The following GALNT17 variants were observed in gnomAD, a reference collection of about 807,000 sequenced individuals.
GALNT17 encodes the protein polypeptide N-acetylgalactosaminyltransferase 17.
Under a neutral mutation model 63.7 loss-of-function variants are expected in GALNT17, and 29 were observed. That is an observed-to-expected ratio of 0.46 (90% CI 0.34 to 0.62). The LOEUF (loss-of-function observed/expected upper bound fraction) is 0.62. Ranked by LOEUF, GALNT17 falls within the 20% of genes least tolerant of loss-of-function variation. The probability of loss-of-function intolerance (pLI) is 0.01; values close to 1 mark genes in which losing one functional copy is unlikely to be tolerated. For synonymous variants in GALNT17, 305 were observed against 318.3 expected, an observed-to-expected ratio of 0.96 and a Z score of 0.45; for missense variants, 603 against 799.6, an observed-to-expected ratio of 0.75 and a Z score of 2.97.
At chr7:71,380,470 A>G (rs947754298) in intron 2 of GALNT17, among the ~76,000 whole-genome samples, 1 of 151,644 alleles carries the variant, frequency 6.6e-6, no homozygotes, top group African/African-American at 2.4e-5. Context: ...TCAGTAGCCA[A>G]CACCACACCC....
Position 71,132,888 on chromosome 7 carries a change from G to C in GALNT17, c.86G>C (p.Arg29Pro). ...AGFVLFLAKC[R>P]PIAVRSGDAF... is the part of the protein sequence containing the mutation. ...TTCGTGCTCTTCCTGGCCAAGTGCC[G>C]GCCCATCGCGGTGCGCAGCGGAGAC... Residue 29 changes from arginine to proline, a missense_variant, in exon 1 of 11, where the codon CGG (arginine) becomes CCG (proline). Arg to Pro is a moderately radical substitution (Grantham distance 103). Transcript: ENST00000333538. 6.2e-7 allele frequency: 1 copy of C among 1,612,978 alleles called. No individual in the cohort carries two copies. Among genetic ancestry groups the C allele is most frequent in the Non-Finnish European group, 8.5e-7 (1 of 1,179,546 alleles).
At chr7:71,237,447 A>G (rs1229161647) in intron 1 of GALNT17, among the ~76,000 whole-genome samples, 4 of 150,008 alleles carry the variant, frequency 2.7e-5, no homozygotes, top group African/African-American at 4.9e-5. Context: ...TGGGAGGCCA[A>G]GGCAGATCGC....
intron 9 of GALNT17, among the ~76,000 whole-genome samples, chr7:71,697,562 C>T (rs745970749): frequency 1.3e-5 from 2 of 151,988 alleles, no homozygotes; most frequent in South Asian, 2.1e-4. Context: ...TTCAGGCAGT[C>T]GTAAACTCAG....
At chr7:71,377,927 G>C (rs1368369447) in intron 2 of GALNT17, among the ~76,000 whole-genome samples, 1 of 152,106 alleles carries the variant, frequency 6.6e-6, no homozygotes, top group African/African-American at 2.4e-5. Flanking sequence ...GCCATGTGGA[G>C]CTGTGAGTCC....
intron 9 of GALNT17, among the ~76,000 whole-genome samples, chr7:71,689,388 C>T (rs1313619833): frequency 6.6e-6 from 1 of 152,188 alleles, no homozygotes; most frequent in Non-Finnish European, 1.5e-5. Context: ...CCAGTGAACA[C>T]ACGAATGCTA....
intron 5 of GALNT17, among the ~76,000 whole-genome samples, chr7:71,434,134 A>G (rs779886645): frequency 2.0e-5 from 3 of 152,170 alleles, no homozygotes; most frequent in Non-Finnish European, 4.4e-5. Flanking sequence ...TGCACTGTCA[A>G]CTTCCCTACT....
chr7:71,435,537 A>G (rs558763470), intron 5 of GALNT17, among the ~76,000 whole-genome samples: 36 of 152,272 alleles, frequency 2.4e-4, no homozygotes, highest in Admixed American at 2.0e-3. Flanking sequence ...GATATTTTGC[A>G]GACCCTGCAC....
chr7:71,646,310 G>C (rs141669583), intron 6 of GALNT17, among the ~76,000 whole-genome samples: 3 of 152,112 alleles, frequency 2.0e-5, no homozygotes, highest in East Asian at 3.9e-4. Context: ...CTCCAAGAAG[G>C]GTTCTGAGAA....
At chr7:71,138,602 A>G (rs1488278746) in intron 1 of GALNT17, among the ~76,000 whole-genome samples, 4 of 152,232 alleles carry the variant, frequency 2.6e-5, no homozygotes, top group Non-Finnish European at 4.4e-5. Context: ...GGAAAATCTA[A>G]AACAATTATA....
chr7:71,630,638 A>G lies in GALNT17; in HGVS notation c.1081-34773A>G, dbSNP rs202155927. Among the ~76,000 whole-genome samples the G allele has an allele frequency of 2.6e-5, 4 of 152,212 alleles. No individual in the cohort carries two copies. In the East Asian group the frequency reaches 7.7e-4, roughly 29 times the overall value. On this transcript the variant is annotated intron_variant, in intron 6 of 10. Coordinates refer to ENST00000333538, the MANE Select transcript of GALNT17 (RefSeq NM_022479.3). ...TCAGCCAGCAAATGGAAACATACCCAGAGAGGCAGCTGGTGTAATTGGCCC... is the reference window on the plus strand; with the variant it reads ...TCAGCCAGCAAATGGAAACATACCCGGAGAGGCAGCTGGTGTAATTGGCCC...
intron 1 of GALNT17, among the ~76,000 whole-genome samples, chr7:71,230,137 C>G (rs1789760432): frequency 6.6e-6 from 1 of 152,170 alleles, no homozygotes; most frequent in Non-Finnish European, 1.5e-5. Context: ...ATAATTATTG[C>G]TGCTTTTTCT....
chr7:71,376,675 G>C (rs569286589), intron 2 of GALNT17, among the ~76,000 whole-genome samples: 44 of 151,944 alleles, frequency 2.9e-4, no homozygotes, highest in Non-Finnish European at 5.6e-4. Flanking sequence ...AATCCTTCTA[G>C]GCACAGTGGC....
chr7:71,337,196 T>G (rs1791923506), intron 2 of GALNT17, among the ~76,000 whole-genome samples: 1 of 152,170 alleles, frequency 6.6e-6, no homozygotes, highest in South Asian at 2.1e-4. Context: ...ACTTTTTCCC[T>G]TTTTCATTTA....
intron 8 of GALNT17, 60 bp downstream of exon 8, chr7:71,670,169 T>C (rs1791047514): frequency 1.9e-6 from 3 of 1,607,086 alleles, no homozygotes; most frequent in Admixed American, 3.4e-5. Context: ...GTGGGTTGCT[T>C]CGCTGGGGAG....
intron 1 of GALNT17, among the ~76,000 whole-genome samples, chr7:71,234,306 G>T (rs1297045144): frequency 6.6e-6 from 1 of 152,106 alleles, no homozygotes; most frequent in Non-Finnish European, 1.5e-5. Context: ...CTGTCGCCCA[G>T]GCTGGAGTGC....
chr7:71,690,557 G>C (rs899345017), intron 9 of GALNT17, among the ~76,000 whole-genome samples: 16 of 152,184 alleles, frequency 1.1e-4, no homozygotes, highest in African/African-American at 3.9e-4. Flanking sequence ...CATTTTGTAA[G>C]ACTGTAGCTG....
At chr7:71,578,779 T>C (rs1336319641) in intron 6 of GALNT17, among the ~76,000 whole-genome samples, 1 of 152,170 alleles carries the variant, frequency 6.6e-6, no homozygotes, top group Admixed American at 6.5e-5. Context: ...CAGCTAGCTC[T>C]TGCAAGGCCT....
intron 5 of GALNT17, among the ~76,000 whole-genome samples, chr7:71,570,279 T>C (rs559697903): frequency 6.6e-6 from 1 of 152,300 alleles, no homozygotes; most frequent in East Asian, 1.9e-4. Context: ...ACCTCCTCTC[T>C]GCGGGCTGAG....
rs1246672253 is a variant in GALNT17, at chr7:71,621,427, A to T, written c.1081-43984A>T. ...CCGGTATGACACTTAACCTTAAAGA[A>T]ATATTTGTAGGAAGGATGGCTGAAT... On this transcript the variant is annotated intron_variant, in intron 6 of 10. Transcript: ENST00000333538. Among the ~76,000 whole-genome samples the T allele has an allele frequency of 1.8e-4, 27 of 151,988 alleles. 1 individual carries two copies. The highest frequency in any genetic ancestry group is 1.8e-3 in the Admixed American group (27 of 15,240).
Sources: gnomAD v4.1 joint callset for allele counts (sites outside exome capture counted in the v4.1 genomes callset) on GRCh38, gnomAD v4.1.1 for gene constraint, MANE v1.5 for transcripts, NCBI Gene and HGNC (gene_info 2026-07-23, HGNC 2026-07-21) for gene names.